Variants in PIK3C2G observed in about 807,000 individuals in gnomAD.
The protein encoded by PIK3C2G is phosphatidylinositol-4-phosphate 3-kinase catalytic subunit type 2 gamma, also known as phosphatidylinositol 3-kinase C2 domain-containing subunit gamma.
Under a neutral mutation model 181.1 loss-of-function variants are expected in PIK3C2G, and 168 were observed. The observed-to-expected ratio is 0.93, with a 90% CI of 0.82 to 1.05. The LOEUF (loss-of-function observed/expected upper bound fraction) is 1.05. PIK3C2G is among the 50% of genes least tolerant of loss of function. The pLI, the probability that PIK3C2G is intolerant of heterozygous loss-of-function variation, is 0.00. For synonymous variants in PIK3C2G, 573 were observed against 592.2 expected, an observed-to-expected ratio of 0.97 and a Z score of 0.47; for missense variants, 1,869 against 1,732.8, an observed-to-expected ratio of 1.08 and a Z score of -1.40.
chr12:18,353,271 C>T (rs999909103), intron 11 of PIK3C2G, among the ~76,000 whole-genome samples: 1 of 151,972 alleles, frequency 6.6e-6, no homozygotes, highest in Non-Finnish European at 1.5e-5. Flanking sequence ...TCCAAGGCTC[C>T]AGTTGCCTGA....
At chr12:18,701,664 ACTT>A in the PIK3C2G span, 62 of 1,600,624 alleles carry the variant, frequency 3.9e-5, no homozygotes, top group Admixed American at 5.1e-5. Flanking sequence ...TCCATCTGCC[ACTT>A]CTTCTTCCCA....
chr12:18,257,777 A>T (rs1243367192), upstream of PIK3C2G, among the ~76,000 whole-genome samples: 1 of 151,496 alleles, frequency 6.6e-6, no homozygotes, highest in East Asian at 1.9e-4. Context: ...AGAAGAAGAA[A>T]AAGAAAGAAA....
At chr12:18,459,198 T>A (rs1459871508) in intron 18 of PIK3C2G, among the ~76,000 whole-genome samples, 3 of 152,176 alleles carry the variant, frequency 2.0e-5, no homozygotes, top group Non-Finnish European at 2.9e-5. Flanking sequence ...AAGTTAAAAT[T>A]TTTTAAGTGT....
intron 19 of PIK3C2G, among the ~76,000 whole-genome samples, chr12:18,491,004 C>A (rs753971682): frequency 6.6e-6 from 1 of 152,006 alleles, no homozygotes; most frequent in Non-Finnish European, 1.5e-5. Context: ...TACTACTGTA[C>A]GTAATTTTTT....
chr12:18,297,957 G>A lies in PIK3C2G; in HGVS notation c.1034+3942G>A, dbSNP rs548660335. ...AATACTTAGGTTGATTCCGTATCTT[G>A]GCTAATGTGAATAGTATTTCAATAA... On this transcript the variant is annotated intron_variant, in intron 5 of 32. Coordinates refer to ENST00000538779, the MANE Select transcript of PIK3C2G (RefSeq NM_001288772.2). Among the ~76,000 whole-genome samples, 3 of 151,830 alleles carry A rather than the reference G, an allele frequency of 2.0e-5. No individual in the cohort carries two copies. In the South Asian group the frequency reaches 6.2e-4, roughly 31 times the overall value.
At chr12:18,715,474 T>C in the PIK3C2G span, among the ~76,000 whole-genome samples, 1 of 151,748 alleles carries the variant, frequency 6.6e-6, no homozygotes, top group Non-Finnish European at 1.5e-5. Flanking sequence ...CGATCTCGGC[T>C]CACTGCAAGC....
chr12:18,628,270 C>T (rs905911117), intron 31 of PIK3C2G, among the ~76,000 whole-genome samples: 2 of 152,030 alleles, frequency 1.3e-5, no homozygotes, highest in Non-Finnish European at 2.9e-5. Context: ...TAAATATTTT[C>T]CCCATATACA....
intron 16 of PIK3C2G, among the ~76,000 whole-genome samples, chr12:18,410,749 T>C (rs925050811): frequency 2.0e-5 from 3 of 152,138 alleles, no homozygotes; most frequent in Admixed American, 1.3e-4. Flanking sequence ...AAAATTTCTA[T>C]CCTTTTCAGT....
chr12:18,706,577 A>C, the PIK3C2G span, among the ~76,000 whole-genome samples: 1,726 of 152,278 alleles, frequency 0.011, 30 homozygotes, highest in African/African-American at 0.04. Context: ...GCCCTTTCTC[A>C]TTGCTGTAAC....
chr12:18,325,201 A>C, intron 8 of PIK3C2G, 103 bp downstream of exon 8: 2 of 638,158 alleles, frequency 3.1e-6, no homozygotes, highest in South Asian at 4.0e-5. Flanking sequence ...AAAATGAATA[A>C]AACAGAGGAT....
chr12:18,509,055 A>T (rs1295750034), intron 24 of PIK3C2G, among the ~76,000 whole-genome samples: 1 of 151,654 alleles, frequency 6.6e-6, no homozygotes, highest in Non-Finnish European at 1.5e-5. Flanking sequence ...TTTTATTTTT[A>T]TTTATTTATT....
At chr12:18,640,085 T>C (rs1949776678) in intron 31 of PIK3C2G, among the ~76,000 whole-genome samples, 1 of 151,914 alleles carries the variant, frequency 6.6e-6, no homozygotes, top group Admixed American at 6.6e-5. Flanking sequence ...GACACTCATA[T>C]TTTTGTCTCT....
At chr12:18,358,686 A>G in intron 11 of PIK3C2G, 4 of 491,978 alleles carry the variant, frequency 8.1e-6, no homozygotes, top group Middle Eastern at 4.7e-4. Flanking sequence ...CAAAATCCTC[A>G]TCTCTTCCAG....
At chr12:18,463,513 A>G (rs1948032919) in intron 18 of PIK3C2G, among the ~76,000 whole-genome samples, 1 of 152,218 alleles carries the variant, frequency 6.6e-6, no homozygotes, top group Admixed American at 6.6e-5. Context: ...CATTTACACA[A>G]GAGGAATAAT....
the PIK3C2G span, among the ~76,000 whole-genome samples, chr12:18,655,829 T>C: frequency 4.8e-5 from 7 of 146,372 alleles, no homozygotes; most frequent in African/African-American, 1.8e-4. Context: ...CTCCTGAAAC[T>C]GTCAACATCA....
intron 7 of PIK3C2G, among the ~76,000 whole-genome samples, chr12:18,321,539 T>C (rs1478859335): frequency 6.6e-6 from 1 of 152,204 alleles, no homozygotes; most frequent in Non-Finnish European, 1.5e-5. Flanking sequence ...AGAACAGACT[T>C]ATTGCGTAGC....
intron 1 of PIK3C2G, among the ~76,000 whole-genome samples, chr12:18,279,048 A>T (rs6486897): frequency 0.35 from 52,805 of 151,916 alleles, 9,664 homozygotes; most frequent in Non-Finnish European, 0.41. Context: ...ATAAAAATTA[A>T]AAAGTTTTTA....
intron 13 of PIK3C2G, 79 bp downstream of exon 13, chr12:18,371,390 C>A: frequency 1.7e-6 from 2 of 1,163,534 alleles, no homozygotes; most frequent in Non-Finnish European, 2.4e-6. Flanking sequence ...GAGTATATGG[C>A]ATAATGAGGA....
chr12:18,334,226 C>T (rs573154833), intron 8 of PIK3C2G, among the ~76,000 whole-genome samples: 1 of 152,212 alleles, frequency 6.6e-6, no homozygotes, highest in African/African-American at 2.4e-5. Flanking sequence ...TGATCATATA[C>T]CTGAATCTGG....
Sources: gnomAD v4.1 joint callset for allele counts (sites outside exome capture counted in the v4.1 genomes callset) on GRCh38, gnomAD v4.1.1 for gene constraint, MANE v1.5 for transcripts, NCBI Gene and HGNC (gene_info 2026-07-23, HGNC 2026-07-21) for gene names.